The following CUEDC2 variants were observed in gnomAD, a reference collection of about 807,000 sequenced individuals.
CUEDC2 encodes CUE domain-containing protein 2.
In CUEDC2, 10 loss-of-function variants were observed where a neutral mutation model predicts 36.0. The observed-to-expected ratio is 0.28, with a 90% CI of 0.17 to 0.47. The LOEUF is 0.47. Ranked by LOEUF, CUEDC2 falls within the 20% of genes least tolerant of loss-of-function variation. CUEDC2 has a pLI of 0.99. For synonymous variants in CUEDC2, 133 were observed against 141.8 expected (o/e 0.94, Z 0.44); for missense variants, 269 against 368.1 (o/e 0.73, Z 2.20).
intron 1 of CUEDC2, among the ~76,000 whole-genome samples, chr10:102,426,928 G>T (rs759834371): frequency 8.6e-5 from 13 of 151,986 alleles, no homozygotes; most frequent in Non-Finnish European, 1.8e-4. Flanking sequence ...CTCCCAAAGT[G>T]CTGGGATTAC....
intron 1 of CUEDC2, among the ~76,000 whole-genome samples, chr10:102,427,374 G>A (rs953631497): frequency 4.6e-5 from 7 of 152,126 alleles, no homozygotes; most frequent in African/African-American, 1.7e-4. Context: ...AGTCTCCTCT[G>A]AGCTACAGGC....
intron 1 of CUEDC2, among the ~76,000 whole-genome samples, chr10:102,430,767 G>A (rs78678650): frequency 0.05 from 7,580 of 152,164 alleles, 404 homozygotes; most frequent in African/African-American, 0.13. Flanking sequence ...ACTTCTCCCC[G>A]CATAGCCCCT....
At chr10:102,429,282 T>C (rs1043634683) in intron 1 of CUEDC2, among the ~76,000 whole-genome samples, 4 of 152,090 alleles carry the variant, frequency 2.6e-5, no homozygotes, top group African/African-American at 9.7e-5. Context: ...ATACTCAGCA[T>C]CTCTCATGAA....
rs1238732326 is a variant in CUEDC2, at chr10:102,430,141, T to TTA, written c.-11+2384_-11+2385insTA. ...GAAAGCCCAGGTTTTCTTTTTTTTT[T>TTA]TTTAATTTTATTTATTTATTTATTT... On this transcript the variant is annotated intron_variant, in intron 1 of 8. Coordinates refer to ENST00000369937, the MANE Select transcript of CUEDC2 (RefSeq NM_024040.3). 1.7e-3 allele frequency among the ~76,000 whole-genome samples: 204 copies of TTA among 117,040 alleles called. 1 individual carries two copies. Among genetic ancestry groups the TTA allele is most frequent in the African/African-American group, 6.2e-3 (191 of 30,572 alleles). The allele number at this position is 117,040 out of a possible 152,430, so 76.8% of individuals were successfully genotyped here. A position where few individuals can be genotyped will look rare whatever the true frequency, so the allele number is the denominator to read the frequency against.
intron 1 of CUEDC2, among the ~76,000 whole-genome samples, chr10:102,426,624 C>G (rs748849187): frequency 6.6e-6 from 1 of 152,060 alleles, no homozygotes; most frequent in Non-Finnish European, 1.5e-5. Flanking sequence ...AAAATCTCCA[C>G]CAAAATTTCT....
Position 102,424,936 on chromosome 10 carries a change from C to G in CUEDC2, c.75-144G>C. The G allele has an allele frequency of 9.7e-7, 1 of 1,030,116 alleles. No homozygotes were observed. Among genetic ancestry groups the G allele is most frequent in the Non-Finnish European group, 1.4e-6 (1 of 706,776 alleles). The allele number at this position is 1,030,116 out of a possible 1,614,324, so 63.8% of individuals were successfully genotyped here. ...AAGGCCAGAGAGTATAACCCCCTCC[C>G]TCAGAGCTATGGTTTCCCATCTGCC... On this transcript the variant is annotated intron_variant, in intron 2 of 8. Transcript: ENST00000369937. The surrounding 1 kb of genome is among the most constrained non-coding windows in gnomAD (Gnocchi z 4.2).
chr10:102,425,185 C>T lies in CUEDC2; in HGVS notation c.4G>A (p.Glu2Lys). The T allele has an allele frequency of 1.2e-6, 2 of 1,613,648 alleles. No homozygotes were observed. The highest frequency in any genetic ancestry group is 1.7e-6 in the Non-Finnish European group (2 of 1,179,746). The stretch of plus-strand genomic sequence containing the variant: ...GCTGCACTGACGATCCTCTCCAGCT[C>T]CATGCTCTCTCTTCTGAAGGGACAC... The part of the protein sequence containing the change: M[E>K]LERIVSAALL... The change falls in exon 2 of 9, where the codon GAG (glutamate) becomes AAG (lysine). Residue 2 changes from glutamate to lysine, a missense_variant. Transcript: ENST00000369937.
rs1589907068 is a variant in CUEDC2 at position 102,424,845 on chromosome 10, A to C, written c.75-53T>G. The C allele has an allele frequency of 6.3e-7, 1 of 1,583,330 alleles. No homozygotes were observed. ...GGGTAGGACACTGGATGCCTCCAGC[A>C]CCCCCACCTATCCTGAGACTCCAGC... On this transcript the variant is annotated intron_variant, in intron 2 of 8. Transcript: ENST00000369937. This position sits in a 1 kb window ranked among gnomAD's most constrained non-coding sequence, Gnocchi z 4.2.
At chr10:102,426,756 G>A (rs970155594) in intron 1 of CUEDC2, among the ~76,000 whole-genome samples, 11 of 151,804 alleles carry the variant, frequency 7.2e-5, no homozygotes, top group African/African-American at 1.7e-4. Context: ...CTTAGCCTCC[G>A]GAGTAGCTGG....
rs1283420320 is a variant in CUEDC2, at chr10:102,425,110, T to C, written c.74+5A>G. 1.2e-6 allele frequency: 2 copies of C among 1,612,992 alleles called. No individual in the cohort carries two copies. Among genetic ancestry groups the C allele is most frequent in the African/African-American group, 1.3e-5 (1 of 74,902 alleles). On this transcript the variant is annotated splice_donor_5th_base_variant and intron_variant, in intron 2 of 8. Transcript: ENST00000369937. ...ACATGAGCCTTCCGGGGGACCCGTC[T>C]CTACCTGAGGTCGGCCTCCGGGAGG...
intron 1 of CUEDC2, among the ~76,000 whole-genome samples, chr10:102,427,820 A>C (rs1478061040): frequency 6.6e-6 from 1 of 152,146 alleles, no homozygotes; most frequent in Non-Finnish European, 1.5e-5. Context: ...GAAGTCCAGA[A>C]TCTTTTCATG....
rs1374939417 is a variant in CUEDC2 at position 102,424,990 on chromosome 10, G to A, written c.74+125C>T. 4.1e-6 allele frequency: 4 copies of A among 973,886 alleles called. No homozygotes were observed. Among genetic ancestry groups the A allele is most frequent in the African/African-American group, 3.2e-5 (2 of 62,310 alleles). 60.3% of individuals were successfully genotyped at this position (973,886 alleles called of 1,614,324 possible). ...CAAAGGTGACAGGGACAGGATGAGA[G>A]GTAAGGCCTCTCAGCAAATCCTAGT... On this transcript the variant is annotated intron_variant, in intron 2 of 8. Coordinates refer to ENST00000369937, the MANE Select transcript of CUEDC2 (RefSeq NM_024040.3). This position sits in a 1 kb window ranked among gnomAD's most constrained non-coding sequence, Gnocchi z 4.2.
intron 1 of CUEDC2, among the ~76,000 whole-genome samples, chr10:102,428,860 A>G (rs892377249): frequency 6.6e-6 from 1 of 152,106 alleles, no homozygotes; most frequent in Admixed American, 6.5e-5. Context: ...CGTCTCTACT[A>G]AAAATACAAA....
In CUEDC2 at chr10:102,423,378, C is replaced by T; in HGVS notation, c.*48G>A. 5.6e-6 allele frequency: 9 copies of T among 1,612,520 alleles called. No individual in the cohort carries two copies. Among genetic ancestry groups the T allele is most frequent in the South Asian group, 1.1e-5 (1 of 90,992 alleles). The stretch of plus-strand genomic sequence containing the variant: ...TGTAGGGGTATAGGGCTCCTGCATC[C>T]CTCTGGGATCTGAGCCTAGAAGGCT... On this transcript the variant is annotated 3_prime_UTR_variant, in exon 9 of 9. Transcript: ENST00000369937. This position sits in a 1 kb window ranked among gnomAD's most constrained non-coding sequence, Gnocchi z 5.6.
intron 1 of CUEDC2, among the ~76,000 whole-genome samples, chr10:102,431,788 A>T (rs1414242960): frequency 6.6e-6 from 1 of 152,130 alleles, no homozygotes; most frequent in African/African-American, 2.4e-5. Flanking sequence ...CACTGCTCCC[A>T]GCTAGCCTGG....
At position 102,423,991 on chromosome 10, in the gene CUEDC2, G is replaced by T; in HGVS notation, c.594+5C>A. 6.2e-7 allele frequency: 1 copy of T among 1,613,344 alleles called. No individual in the cohort carries two copies. Among genetic ancestry groups the T allele is most frequent in the Non-Finnish European group, 8.5e-7 (1 of 1,179,658 alleles). ...TACATGGTAGAGGGTGCTGGGAAAAGATACCTGGTTGGGGCCCTCCCAGGC... is the reference window on the plus strand; with the variant it reads ...TACATGGTAGAGGGTGCTGGGAAAATATACCTGGTTGGGGCCCTCCCAGGC... On this transcript the variant is annotated splice_donor_5th_base_variant and intron_variant, in intron 6 of 8. Coordinates refer to ENST00000369937, the MANE Select transcript of CUEDC2 (RefSeq NM_024040.3). This position sits in a 1 kb window ranked among gnomAD's most constrained non-coding sequence, Gnocchi z 5.6.
Position 102,423,291 on chromosome 10 carries a change from G to A in CUEDC2, c.*135C>T. 8.7e-7 allele frequency: 1 copy of A among 1,148,916 alleles called. No homozygotes were observed. The highest frequency in any genetic ancestry group is 1.3e-6 in the Non-Finnish European group (1 of 794,738). The allele number at this position is 1,148,916 out of a possible 1,614,324, so 71.2% of individuals were successfully genotyped here. A position where few individuals can be genotyped will look rare whatever the true frequency, so the allele number is the denominator to read the frequency against. On this transcript the variant is annotated 3_prime_UTR_variant, in exon 9 of 9. Coordinates refer to ENST00000369937, the MANE Select transcript of CUEDC2 (RefSeq NM_024040.3). The surrounding 1 kb of genome is among the most constrained non-coding windows in gnomAD (Gnocchi z 5.6). ...ACTGTGCCCATGGAGGCAGCTCCGA[G>A]AGTAGGTTAACACTATGGAGCAAAG... is the stretch of plus-strand genomic sequence containing the variant.
Position 102,424,140 on chromosome 10 carries a change from A to G in CUEDC2, c.450T>C (p.Asp150=). 1.2e-6 allele frequency: 2 copies of G among 1,614,012 alleles called. No individual in the cohort carries two copies. The highest frequency in any genetic ancestry group is 8.5e-7 in the Non-Finnish European group (1 of 1,179,980). The change falls in exon 6 of 9, where the codon GAT becomes GAC. Residue 150 remains aspartate (D), a synonymous_variant. Transcript: ENST00000369937. The surrounding 1 kb of genome is among the most constrained non-coding windows in gnomAD (Gnocchi z 4.2). ...GAEEELLPGV[D]VLLEVFPTCS... is the part of the protein sequence containing the mutation. The stretch of plus-strand genomic sequence containing the variant: ...AGGTAGGGAACACCTCCAGGAGTAC[A>G]TCCACCCCTGGCAGAAGCTCCTCCT...
At chr10:102,429,720 G>T (rs1056392757) in intron 1 of CUEDC2, among the ~76,000 whole-genome samples, 5 of 149,554 alleles carry the variant, frequency 3.3e-5, no homozygotes, top group African/African-American at 1.2e-4. Context: ...GACCTACCTC[G>T]ACCCTGGGTT....
Sources: allele counts gnomAD v4.1 joint callset (sites outside exome capture counted in the v4.1 genomes callset), GRCh38; gene constraint gnomAD v4.1.1; non-coding constraint Gnocchi (gnomAD v3.1); transcripts MANE v1.5; gene names NCBI Gene and HGNC (gene_info 2026-07-23, HGNC 2026-07-21).